BTBD9: variants seen among roughly 807,000 people sequenced by gnomAD.
BTBD9 encodes BTB/POZ domain-containing protein 9.
A neutral mutation model predicts 64.3 loss-of-function variants in BTBD9; 49 were observed. That is an observed-to-expected ratio of 0.76 (90% CI 0.61 to 0.97). The LOEUF is 0.97. Ranked by LOEUF, BTBD9 falls within the 50% of genes least tolerant of loss-of-function variation. The pLI is 0.00. For missense variants in BTBD9, 598 were observed against 762.1 expected (o/e 0.78, Z 2.53); for synonymous variants, 260 against 274.7 (o/e 0.95, Z 0.53).
intron 1 of BTBD9, among the ~76,000 whole-genome samples, chr6:38,626,687 T>C (rs1381283633): frequency 2.0e-5 from 3 of 152,190 alleles, no homozygotes; most frequent in East Asian, 1.9e-4. Flanking sequence ...TGGAATAAGT[T>C]AGAAATAGCG....
intron 6 of BTBD9, among the ~76,000 whole-genome samples, chr6:38,381,468 T>C (rs1269567556): frequency 2.6e-5 from 4 of 152,166 alleles, no homozygotes; most frequent in African/African-American, 7.2e-5. Flanking sequence ...AAGCAAAAAG[T>C]AGCAAACTGA....
At chr6:38,503,698 C>T (rs919657004) in intron 6 of BTBD9, among the ~76,000 whole-genome samples, 12 of 152,160 alleles carry the variant, frequency 7.9e-5, no homozygotes, top group African/African-American at 2.7e-4. Context: ...ACTTACACTC[C>T]TGGCTCACTT....
chr6:38,386,530 T>C (rs16890621), intron 6 of BTBD9, among the ~76,000 whole-genome samples: 2,191 of 152,126 alleles, frequency 0.014, 58 homozygotes, highest in African/African-American at 0.05. Context: ...CTCAGAATTC[T>C]GGTTCCTGCA....
chr6:38,203,870 T>C (rs904870002), intron 9 of BTBD9, among the ~76,000 whole-genome samples: 11 of 152,126 alleles, frequency 7.2e-5, no homozygotes, highest in Admixed American at 2.6e-4. Flanking sequence ...TTAGCAACAA[T>C]GTATTGTATA....
intron 1 of BTBD9, among the ~76,000 whole-genome samples, chr6:38,598,694 G>A (rs375148115): frequency 2.6e-5 from 4 of 152,074 alleles, no homozygotes; most frequent in South Asian, 2.1e-4. Context: ...GAGGTGGGTC[G>A]ATCACCTCAG....
At chr6:38,364,804 G>GA (rs1765121721) in intron 6 of BTBD9, among the ~76,000 whole-genome samples, 1 of 152,156 alleles carries the variant, frequency 6.6e-6, no homozygotes, top group African/African-American at 2.4e-5. Flanking sequence ...TCATACACTG[G>GA]AAAAAAACTA....
intron 6 of BTBD9, among the ~76,000 whole-genome samples, chr6:38,376,326 C>T (rs1765696134): frequency 6.6e-6 from 1 of 151,790 alleles, no homozygotes; most frequent in Admixed American, 6.6e-5. Context: ...GAAGAGTATT[C>T]CAAGGATGAA....
At position 38,530,965 on chromosome 6, in the gene BTBD9, A is replaced by T. The variant is rs537150350; in HGVS notation, c.1154+46635T>A. On this transcript the variant is annotated intron_variant, in intron 6 of 10. Transcript: ENST00000481247. ...AAACAAGAAAATAATTCAAAAAAGAATGAAGCACACCTACAAGATCTAGAA... is the reference window on the plus strand; with the variant it reads ...AAACAAGAAAATAATTCAAAAAAGATTGAAGCACACCTACAAGATCTAGAA... Among the ~76,000 whole-genome samples the T allele has an allele frequency of 4.6e-5, 7 of 152,312 alleles. No homozygotes were observed. In the South Asian group the frequency reaches 1.5e-3, roughly 32 times the overall value.
At chr6:38,329,601 G>C (rs932463632) in intron 7 of BTBD9, among the ~76,000 whole-genome samples, 1 of 152,034 alleles carries the variant, frequency 6.6e-6, no homozygotes, top group African/African-American at 2.4e-5. Context: ...GGGATTACAG[G>C]GCTGAGCCAC....
intron 6 of BTBD9, among the ~76,000 whole-genome samples, chr6:38,402,597 A>C (rs75362513): frequency 0.033 from 4,994 of 152,324 alleles, 169 homozygotes; most frequent in East Asian, 0.11. Flanking sequence ...TGTGCCTGGG[A>C]CAACTGGATG....
At chr6:38,484,680 C>T (rs535792914) in intron 6 of BTBD9, among the ~76,000 whole-genome samples, 7 of 152,190 alleles carry the variant, frequency 4.6e-5, no homozygotes, top group Admixed American at 6.5e-5. Flanking sequence ...ATAAAAATTA[C>T]GTTTACACTG....
chr6:38,259,245 T>C (rs1764711597), intron 8 of BTBD9, among the ~76,000 whole-genome samples: 1 of 152,224 alleles, frequency 6.6e-6, no homozygotes, highest in South Asian at 2.1e-4. Flanking sequence ...CTCTAACCTA[T>C]CACTCTATAA....
At chr6:38,517,132 G>A (rs1176742783) in intron 6 of BTBD9, among the ~76,000 whole-genome samples, 2 of 152,142 alleles carry the variant, frequency 1.3e-5, no homozygotes, top group Non-Finnish European at 2.9e-5. Flanking sequence ...GACTACAAAG[G>A]AGTCAATGTT....
intron 6 of BTBD9, among the ~76,000 whole-genome samples, chr6:38,353,329 T>C (rs551957926): frequency 6.6e-6 from 1 of 152,016 alleles, no homozygotes; most frequent in Admixed American, 6.5e-5. Flanking sequence ...TTTCAGATTG[T>C]AATTTTCAAG....
chr6:38,459,270 G>A (rs1299033271), intron 6 of BTBD9, among the ~76,000 whole-genome samples: 2 of 152,068 alleles, frequency 1.3e-5, no homozygotes, highest in African/African-American at 4.8e-5. Flanking sequence ...CCCCAGCCTC[G>A]GCCTCCCAAA....
Position 38,577,634 on chromosome 6 carries a change from A to G in BTBD9, c.1120T>C (p.Trp374Arg). The G allele has an allele frequency of 6.2e-7, 1 of 1,610,364 alleles. No homozygotes were observed. ...IDHSQYLCRS[W>R]QKLYFPARVC... ...CGGGCTGGAAAATATAATTTCTGCC[A>G]AGAACGACACAGATATTGTGAATGA... The change falls in exon 6 of 11, where the codon TGG becomes CGG. Residue 374 changes from tryptophan to arginine, a missense_variant. Trp to Arg is a moderately radical substitution (Grantham distance 101). Coordinates refer to ENST00000481247, the MANE Select transcript of BTBD9 (RefSeq NM_001099272.2).
At chr6:38,577,502 T>C (rs1278362192) in intron 6 of BTBD9, 98 bp downstream of exon 6, 1 of 1,236,400 alleles carries the variant, frequency 8.1e-7, no homozygotes, top group Non-Finnish European at 1.1e-6. Flanking sequence ...ACATCCTGAA[T>C]AACTCTTTTT....
At chr6:38,629,390 C>T (rs1404357304) in intron 1 of BTBD9, among the ~76,000 whole-genome samples, 1 of 152,208 alleles carries the variant, frequency 6.6e-6, no homozygotes, top group Non-Finnish European at 1.5e-5. Flanking sequence ...AAATTAACAT[C>T]ACCAATAATA....
intron 6 of BTBD9, among the ~76,000 whole-genome samples, chr6:38,546,471 G>A (rs1375648656): frequency 6.6e-6 from 1 of 151,882 alleles, no homozygotes; most frequent in Non-Finnish European, 1.5e-5. Context: ...CATTCTATTT[G>A]TCTTTGATTT....
Sources: gnomAD v4.1 joint callset for allele counts (sites outside exome capture counted in the v4.1 genomes callset) on GRCh38, gnomAD v4.1.1 for gene constraint, MANE v1.5 for transcripts, NCBI Gene and HGNC (gene_info 2026-07-23, HGNC 2026-07-21) for gene names.